Variants in MYO5B observed in about 807,000 individuals in gnomAD.
MYO5B encodes unconventional myosin-Vb.
In MYO5B, 143 loss-of-function variants were observed where a neutral mutation model predicts 229.3. The observed-to-expected ratio is 0.62, with a 90% CI of 0.54 to 0.72. The LOEUF is 0.72. MYO5B is among the 30% of genes least tolerant of loss of function. The pLI, the probability that MYO5B is intolerant of heterozygous loss-of-function variation, is 0.00. For synonymous variants in MYO5B, 918 were observed against 885.2 expected (o/e 1.04, Z -0.66); for missense variants, 2,321 against 2,331.0 (o/e 1.00, Z 0.09).
At chr18:50,025,819 T>C (rs574295762) in intron 4 of MYO5B, among the ~76,000 whole-genome samples, 1 of 152,244 alleles carries the variant, frequency 6.6e-6, no homozygotes, top group South Asian at 2.1e-4. Flanking sequence ...TATGAACCAG[T>C]CCACAAAGAT....
rs2025344138 is a variant in MYO5B, at chr18:49,943,990, G to A, written c.1753-6593C>T. 2.0e-5 allele frequency among the ~76,000 whole-genome samples: 3 copies of A among 152,126 alleles called. No homozygotes were observed. The South Asian group carries it at 6.2e-4, about 32-fold the overall frequency. On this transcript the variant is annotated intron_variant, in intron 14 of 39. Coordinates refer to ENST00000285039, the MANE Select transcript of MYO5B (RefSeq NM_001080467.3). ...TGAAGGAGCTCTGTGCATTCGGGGG[G>A]CTAAGATAAAGCTGGTCAACGTACA...
chr18:50,175,127 A>G (rs1414983910), intron 1 of MYO5B, among the ~76,000 whole-genome samples: 4 of 152,242 alleles, frequency 2.6e-5, no homozygotes, highest in Admixed American at 6.5e-5. Flanking sequence ...ATGTCCCCTC[A>G]GTAGCCATTC....
rs558366709 is a variant in MYO5B at position 50,103,527 on chromosome 18, A to C, written c.28-48149T>G. 3.9e-5 allele frequency among the ~76,000 whole-genome samples: 6 copies of C among 152,198 alleles called. No individual in the cohort carries two copies. In the East Asian group the frequency reaches 1.2e-3, roughly 29 times the overall value. ...CACTTTGGGAGGCCAAGGTGGAAGG[A>C]TCACTCGAGGCCAGGAGTTCAAGAG... On this transcript the variant is annotated intron_variant, in intron 1 of 39. Coordinates refer to ENST00000285039, the MANE Select transcript of MYO5B (RefSeq NM_001080467.3).
intron 1 of MYO5B, among the ~76,000 whole-genome samples, chr18:50,088,809 T>C (rs111641250): frequency 0.01 from 1,540 of 152,352 alleles, 29 homozygotes; most frequent in African/African-American, 0.034. Flanking sequence ...ATCTATCTTA[T>C]CTATCCATCA....
At chr18:50,095,190 T>C (rs2031526697) in intron 1 of MYO5B, among the ~76,000 whole-genome samples, 1 of 152,200 alleles carries the variant, frequency 6.6e-6, no homozygotes. Flanking sequence ...CCAACGATCT[T>C]GAGTGCAACC....
chr18:49,880,244 T>G (rs2024571860), intron 23 of MYO5B, 127 bp downstream of exon 23: 1 of 848,424 alleles, frequency 1.2e-6, no homozygotes, highest in East Asian at 2.5e-5. Context: ...CTTCATCTTC[T>G]TCTATTAAAA....
intron 1 of MYO5B, among the ~76,000 whole-genome samples, chr18:50,183,305 T>TCATATATA (rs2144351398): frequency 2.3e-5 from 1 of 42,660 alleles, no homozygotes; most frequent in African/African-American, 9.5e-5. Context: ...CTCAATTTTA[T>TCATATATA]CATATATATA....
chr18:50,193,353 T>C (rs2033254132), intron 1 of MYO5B, among the ~76,000 whole-genome samples: 1 of 152,216 alleles, frequency 6.6e-6, no homozygotes, highest in African/African-American at 2.4e-5. Flanking sequence ...GAAGCTGTAT[T>C]TGAGGCTGCT....
intron 1 of MYO5B, among the ~76,000 whole-genome samples, chr18:50,089,727 C>T (rs559330588): frequency 6.6e-6 from 1 of 152,240 alleles, no homozygotes; most frequent in South Asian, 2.1e-4. Context: ...TCTGCAAACA[C>T]AAACGTTTCT....
At chr18:49,853,717 A>G in intron 30 of MYO5B, 70 bp from the exon 31 acceptor site, 1 of 1,449,304 alleles carries the variant, frequency 6.9e-7, no homozygotes, top group Non-Finnish European at 9.4e-7. Flanking sequence ...ACACAGGCAG[A>G]AACATAACAG....
chr18:50,020,682 A>T (rs1191537769), intron 4 of MYO5B, among the ~76,000 whole-genome samples: 2 of 152,232 alleles, frequency 1.3e-5, no homozygotes, highest in Admixed American at 6.5e-5. Context: ...AGCAGCAACC[A>T]GGTGGAGGAG....
chr18:50,020,789 A>G (rs925015227), intron 4 of MYO5B, among the ~76,000 whole-genome samples: 1 of 152,234 alleles, frequency 6.6e-6, no homozygotes, highest in Non-Finnish European at 1.5e-5. Context: ...CTACCAGAAA[A>G]TATATGTTTT....
chr18:49,906,796 C>G (rs912858421), intron 18 of MYO5B, among the ~76,000 whole-genome samples, 166 bp from the exon 19 acceptor site: 2 of 152,146 alleles, frequency 1.3e-5, no homozygotes, highest in African/African-American at 4.8e-5. Context: ...ACCCCAAGAC[C>G]CTACTACGGG....
In MYO5B at chr18:49,847,128, G is replaced by C; in HGVS notation, c.4459+18C>G. ...GAAGGAGGGGCAGGCAGCATAGGGT[G>C]GCACAGAGGGTCCTTACCTGTCACC... On this transcript the variant is annotated intron_variant, in intron 33 of 39. Transcript: ENST00000285039. The C allele has an allele frequency of 6.2e-7, 1 of 1,613,956 alleles. No homozygotes were observed.
At chr18:49,998,798 G>A (rs909643925) in intron 5 of MYO5B, among the ~76,000 whole-genome samples, 2 of 152,178 alleles carry the variant, frequency 1.3e-5, no homozygotes, top group Admixed American at 1.3e-4. Flanking sequence ...TTGTGTGGGG[G>A]TACCTAGAAT....
At chr18:50,022,092 C>T (rs977585891) in intron 4 of MYO5B, among the ~76,000 whole-genome samples, 1 of 149,032 alleles carries the variant, frequency 6.7e-6, no homozygotes, top group Non-Finnish European at 1.5e-5. Context: ...TTCCCTCCCT[C>T]CCTCCCCACC....
intron 3 of MYO5B, among the ~76,000 whole-genome samples, chr18:50,037,204 T>TACACACACACAAACACACACACAC (rs2026458585): frequency 6.7e-6 from 1 of 149,322 alleles, no homozygotes; most frequent in African/African-American, 2.5e-5. Context: ...CATACACACA[T>TACACACACACAAACACACACACAC]ACACACACAC....
chr18:49,859,211 C>T (rs182042231), intron 29 of MYO5B, among the ~76,000 whole-genome samples: 7 of 152,302 alleles, frequency 4.6e-5, no homozygotes, highest in East Asian at 1.9e-4. Context: ...TCTTTCTTTA[C>T]GGGTAAAGTG....
intron 4 of MYO5B, among the ~76,000 whole-genome samples, chr18:50,002,402 T>C (rs1950506025): frequency 6.6e-6 from 1 of 152,004 alleles, no homozygotes; most frequent in African/African-American, 2.4e-5. Flanking sequence ...TTAAAACACG[T>C]AGTAGGAAGA....
Sources: gnomAD v4.1 joint callset for allele counts (sites outside exome capture counted in the v4.1 genomes callset) on GRCh38, gnomAD v4.1.1 for gene constraint, MANE v1.5 for transcripts, NCBI Gene and HGNC (gene_info 2026-07-23, HGNC 2026-07-21) for gene names.